The following MAP3K13 variants were observed in gnomAD, a reference collection of about 807,000 sequenced individuals.
MAP3K13 encodes the protein leucine zipper-bearing kinase.
MAP3K13 carries 52 observed loss-of-function variants against 104.0 expected under a neutral mutation model. The observed-to-expected ratio is 0.50, with a 90% CI of 0.40 to 0.63. The LOEUF (loss-of-function observed/expected upper bound fraction) is 0.63, where lower values mean the gene tolerates loss of function less well. Among genes scored for constraint, MAP3K13 ranks in the 20% least tolerant of loss-of-function variants. The probability of loss-of-function intolerance (pLI) is 0.00; values close to 1 mark genes in which losing one functional copy is unlikely to be tolerated. For missense variants in MAP3K13, 914 were observed against 1,218.5 expected (o/e 0.75, Z 3.72); for synonymous variants, 394 against 442.2 (o/e 0.89, Z 1.37).
At chr3:185,330,490 T>G (rs553921613) in intron 2 of MAP3K13, among the ~76,000 whole-genome samples, 13 of 152,272 alleles carry the variant, frequency 8.5e-5, no homozygotes, top group Non-Finnish European at 1.6e-4. Context: ...TCTAGCCTCT[T>G]GAGCTGATTA....
rs1306471262 is a variant in MAP3K13 at position 185,455,009 on chromosome 3, A to T, written c.1278+3614A>T. Among the ~76,000 whole-genome samples the T allele has an allele frequency of 1.4e-4, 4 of 28,604 alleles. 1 individual carries two copies. Among genetic ancestry groups the T allele is most frequent in the African/African-American group, 3.0e-4 (4 of 13,462 alleles). The allele number at this position is 28,604 out of a possible 152,430, so 18.8% of individuals were successfully genotyped here. Reference sequence around the variant, plus strand: ...ATGAGATATATATGATATATATGAGATATATATGATATATATGAGATATAT... The same window carrying T: ...ATGAGATATATATGATATATATGAGTTATATATGATATATATGAGATATAT... On this transcript the variant is annotated intron_variant, in intron 7 of 13. Coordinates refer to ENST00000265026, the MANE Select transcript of MAP3K13 (RefSeq NM_004721.5).
Position 185,432,145 on chromosome 3 carries a change from AC to A in MAP3K13, c.475+3091del, listed in dbSNP as rs759913094. On this transcript the variant is annotated intron_variant, in intron 2 of 13. Transcript: ENST00000265026. The stretch of plus-strand genomic sequence containing the variant: ...TAAAATAAAGAAGAAAATTAAAATC[AC>A]CTGTCTTTCCACAATCCAGAGATAA... Among the ~76,000 whole-genome samples the A allele has an allele frequency of 4.1e-5, 6 of 147,014 alleles. No homozygotes were observed. The South Asian group carries it at 1.3e-3, about 32-fold the overall frequency.
At chr3:185,349,423 C>T (rs1723057059) in intron 2 of MAP3K13, among the ~76,000 whole-genome samples, 1 of 150,522 alleles carries the variant, frequency 6.6e-6, no homozygotes, top group Non-Finnish European at 1.5e-5. Flanking sequence ...CAGCTGCATC[C>T]ATGTTGCAGC....
rs202113719 is a variant in MAP3K13, at chr3:185,458,676, T to A, written c.1279-4874T>A. ...TTGTACCTGAGGCCTTGCCTCCTCC[T>A]GCCTGCTAAGATCCTCTCAACGTCA... On this transcript the variant is annotated intron_variant, in intron 7 of 13. Coordinates refer to ENST00000265026, the MANE Select transcript of MAP3K13 (RefSeq NM_004721.5). Among the ~76,000 whole-genome samples, 12 of 152,336 alleles carry A rather than the reference T, an allele frequency of 7.9e-5. No homozygotes were observed. The East Asian group carries it at 2.1e-3, about 27-fold the overall frequency.
Position 185,473,064 on chromosome 3 carries a change from C to G in MAP3K13, c.1733C>G (p.Ser578Cys), listed in dbSNP as rs1717896700. Residue 578 changes from serine to cysteine, a missense_variant, in exon 11 of 14, where the codon TCT becomes TGT. Coordinates refer to ENST00000265026, the MANE Select transcript of MAP3K13 (RefSeq NM_004721.5). The surrounding 1 kb of genome is among the most constrained non-coding windows in gnomAD (Gnocchi z 4.9). ...TCCGGAAGTCCCAAAATGTCCACTT[C>G]TAGCAGCAAGAGCCGATATCGAAGC... The part of the protein sequence containing the change: ...PLSGSPKMST[S>C]SSKSRYRSKP... 3 of 1,614,210 alleles carry G rather than the reference C, an allele frequency of 1.9e-6. No individual in the cohort carries two copies. Among genetic ancestry groups the G allele is most frequent in the African/African-American group, 2.7e-5 (2 of 75,036 alleles).
chr3:185,395,244 A>G (rs1712311188), intron 1 of MAP3K13, among the ~76,000 whole-genome samples: 1 of 150,602 alleles, frequency 6.6e-6, no homozygotes, highest in South Asian at 2.1e-4. Context: ...CCAAACTACC[A>G]TTGCATGCTT....
intron 7 of MAP3K13, among the ~76,000 whole-genome samples, chr3:185,452,834 G>C (rs561034287): frequency 1.3e-5 from 2 of 152,166 alleles, no homozygotes; most frequent in Non-Finnish European, 2.9e-5. Context: ...CAAATGTAGC[G>C]AGAGAGCAAG....
chr3:185,404,828 C>T (rs1713021603), intron 1 of MAP3K13, among the ~76,000 whole-genome samples: 1 of 152,130 alleles, frequency 6.6e-6, no homozygotes, highest in African/African-American at 2.4e-5. Context: ...CCGCCCGCCT[C>T]GCCTCGGCCT....
chr3:185,463,755 C>A (rs1001740088), intron 8 of MAP3K13, 96 bp downstream of exon 8: 1 of 660,612 alleles, frequency 1.5e-6, no homozygotes, highest in Non-Finnish European at 2.7e-6. Flanking sequence ...TTTCCACACA[C>A]CTTTCACCTC....
At position 185,473,796 on chromosome 3, in the gene MAP3K13, G is replaced by A; in HGVS notation, c.2430+35G>A. The A allele has an allele frequency of 6.4e-7, 1 of 1,574,396 alleles. No individual in the cohort carries two copies. The highest frequency in any genetic ancestry group is 8.6e-7 in the Non-Finnish European group (1 of 1,161,566). On this transcript the variant is annotated intron_variant, in intron 11 of 13. Transcript: ENST00000265026. This position sits in a 1 kb window ranked among gnomAD's most constrained non-coding sequence, Gnocchi z 4.9. ...AATGATGAGAGTGGCCTGCGTCACT[G>A]CCTTCAAAGAATGCCAGAGCCTGTC...
chr3:185,375,697 A>G (rs181102187), intron 1 of MAP3K13, among the ~76,000 whole-genome samples: 1 of 152,292 alleles, frequency 6.6e-6, no homozygotes, highest in East Asian at 1.9e-4. Context: ...TATCAGCATA[A>G]GCATTGTCCT....
intron 7 of MAP3K13, among the ~76,000 whole-genome samples, chr3:185,455,738 GATAT>G (rs869054997): frequency 1.6e-4 from 2 of 12,606 alleles, no homozygotes; most frequent in Admixed American, 1.1e-3. Context: ...ATATATATGA[GATAT>G]ATATATGATA....
chr3:185,385,167 T>C (rs1012917154), intron 1 of MAP3K13, among the ~76,000 whole-genome samples: 6 of 152,182 alleles, frequency 3.9e-5, no homozygotes, highest in Admixed American at 2.6e-4. Context: ...TCTTTTTTTT[T>C]GGAGGCAAAG....
At chr3:185,466,769 CT>C in intron 9 of MAP3K13, 56 bp from the exon 10 acceptor site, 8 of 1,594,874 alleles carry the variant, frequency 5.0e-6, no homozygotes, top group Non-Finnish European at 6.9e-6. Flanking sequence ...TGAAAATATT[CT>C]GCCTATCCTT....
chr3:185,347,598 A>G (rs2108727666), intron 2 of MAP3K13, among the ~76,000 whole-genome samples: 1 of 152,342 alleles, frequency 6.6e-6, no homozygotes, highest in South Asian at 2.1e-4. Flanking sequence ...TTTGCAGTAG[A>G]TGGCAGCAGC....
chr3:185,453,854 G>T (rs1189400423), intron 7 of MAP3K13, among the ~76,000 whole-genome samples: 22 of 4,910 alleles, frequency 4.5e-3, no homozygotes, highest in African/African-American at 8.2e-3. Context: ...ATATATATGA[G>T]ATATATATAT....
intron 3 of MAP3K13, among the ~76,000 whole-genome samples, chr3:185,438,365 T>C (rs1386616505): frequency 1.3e-5 from 2 of 152,010 alleles, no homozygotes. Flanking sequence ...CAAAGAACAA[T>C]CAATCCTTGT....
At chr3:185,296,815 C>T (rs12493449) in intron 2 of MAP3K13, among the ~76,000 whole-genome samples, 120,052 of 152,152 alleles carry the variant, frequency 0.79, 47,685 homozygotes, top group Non-Finnish European at 0.84. Flanking sequence ...GATGATTTTA[C>T]AAGATGAATT....
At chr3:185,425,169 C>T (rs1714343094) in intron 1 of MAP3K13, among the ~76,000 whole-genome samples, 2 of 152,198 alleles carry the variant, frequency 1.3e-5, no homozygotes, top group Admixed American at 1.3e-4. Context: ...TTCTTCCAAT[C>T]TCTCTCTACA....
Sources: gnomAD v4.1 joint callset for allele counts (sites outside exome capture counted in the v4.1 genomes callset) on GRCh38, gnomAD v4.1.1 for gene constraint, Gnocchi (gnomAD v3.1) non-coding constraint, MANE v1.5 for transcripts, NCBI Gene and HGNC (gene_info 2026-07-23, HGNC 2026-07-21) for gene names.